SDHA: variants seen among roughly 807,000 people sequenced by gnomAD.
SDHA encodes the protein succinate dehydrogenase [ubiquinone] flavoprotein subunit, mitochondrial.
A neutral mutation model predicts 78.4 loss-of-function variants in SDHA; 48 were observed. The observed-to-expected ratio is 0.61, with a 90% CI of 0.49 to 0.78. The LOEUF (loss-of-function observed/expected upper bound fraction) is 0.78, where lower values mean the gene tolerates loss of function less well. Ranked by LOEUF, SDHA falls within the 30% of genes least tolerant of loss-of-function variation. The pLI is 0.00. For synonymous variants in SDHA, 326 were observed against 353.9 expected (o/e 0.92, Z 0.88); for missense variants, 680 against 892.7 (o/e 0.76, Z 3.04).
At chr5:242,971 C>G (rs1389569318) in intron 11 of SDHA, among the ~76,000 whole-genome samples, 3 of 152,172 alleles carry the variant, frequency 2.0e-5, no homozygotes, top group South Asian at 2.1e-4. Flanking sequence ...TTCTGCACCC[C>G]CTCCTTATTT....
chr5:254,901 A>G lies in SDHA; in HGVS notation c.1908+395A>G, dbSNP rs1315961435. On this transcript the variant is annotated intron_variant, in intron 14 of 14. Coordinates refer to ENST00000264932, the MANE Select transcript of SDHA (RefSeq NM_004168.4). ...CACGTTAAGGGAGCCCAGAAGAGAC[A>G]CCTCCCCTCTCCTCCCACGGGCTGG... Among the ~76,000 whole-genome samples the G allele has an allele frequency of 2.6e-5, 4 of 151,078 alleles. No homozygotes were observed. The East Asian group carries it at 5.9e-4, about 22-fold the overall frequency.
chr5:248,328 C>A (rs1368146897), intron 11 of SDHA, among the ~76,000 whole-genome samples: 1 of 152,178 alleles, frequency 6.6e-6, no homozygotes, highest in African/African-American at 2.4e-5. Context: ...CACAGCCACC[C>A]ACCTGAGGTC....
At chr5:262,713 G>T in the SDHA span, among the ~76,000 whole-genome samples, 1 of 152,234 alleles carries the variant, frequency 6.6e-6, no homozygotes, top group Non-Finnish European at 1.5e-5. Flanking sequence ...AAGTAAATGG[G>T]CTGCTGCTTT....
Position 251,787 on chromosome 5 carries a change from T to C in SDHA, c.1794+319T>C, listed in dbSNP as rs190685969. 86 of 1,295,302 alleles carry C rather than the reference T, an allele frequency of 6.6e-5. No individual in the cohort carries two copies. In the African/African-American group the frequency reaches 1.2e-3, roughly 18 times the overall value. 80.2% of individuals were successfully genotyped at this position (1,295,302 alleles called of 1,614,324 possible). A position where few individuals can be genotyped will look rare whatever the true frequency, so the allele number is the denominator to read the frequency against. On this transcript the variant is annotated intron_variant, in intron 13 of 14. Transcript: ENST00000264932. ...AGGAAATAAATGCCAGTTTATTAAA[T>C]AACGAGTAAGCCATCATTTCAAGCC...
downstream of SDHA, among the ~76,000 whole-genome samples, chr5:258,392 G>A (rs1160002167): frequency 2.5e-5 from 3 of 120,478 alleles, no homozygotes; most frequent in East Asian, 7.1e-4. Flanking sequence ...TCCGCCCCCT[G>A]CCAGAGCATT....
At position 234,793 on chromosome 5, in the gene SDHA, G is replaced by T. The variant is rs116362673; in HGVS notation, c.1065-351G>T. 1.2e-5 allele frequency: 4 copies of T among 347,686 alleles called. No individual in the cohort carries two copies. In the East Asian group the frequency reaches 2.7e-4, roughly 23 times the overall value. 21.5% of individuals were successfully genotyped at this position (347,686 alleles called of 1,614,324 possible). On this transcript the variant is annotated intron_variant, in intron 8 of 14. Coordinates refer to ENST00000264932, the MANE Select transcript of SDHA (RefSeq NM_004168.4). Reference sequence around the variant, plus strand: ...TCCACGGATTTTGGTATCCGTGGGGGTCCTGGACCCAACCTGCCACGGATA... The same window carrying T: ...TCCACGGATTTTGGTATCCGTGGGGTTCCTGGACCCAACCTGCCACGGATA...
At chr5:250,607 C>T (rs1470960920) in intron 11 of SDHA, 1 of 344,720 alleles carries the variant, frequency 2.9e-6, no homozygotes, top group Non-Finnish European at 5.6e-6. Context: ...TGGCTTGTGT[C>T]ACGTTCACCA....
chr5:231,272 G>T (rs1162286489), intron 7 of SDHA, among the ~76,000 whole-genome samples: 2 of 152,022 alleles, frequency 1.3e-5, no homozygotes, highest in Non-Finnish European at 2.9e-5. Context: ...GTAAAGCAGG[G>T]ATTGAGGCCG....
At chr5:263,014 A>C in the SDHA span, among the ~76,000 whole-genome samples, 3 of 151,978 alleles carry the variant, frequency 2.0e-5, no homozygotes, top group Non-Finnish European at 4.4e-5. Flanking sequence ...ATCTCGGCTC[A>C]CTGCAACCTC....
intron 10 of SDHA, among the ~76,000 whole-genome samples, chr5:238,974 A>G (rs765823562): frequency 2.2e-4 from 33 of 151,700 alleles, no homozygotes; most frequent in Non-Finnish European, 4.4e-4. Flanking sequence ...AAAAAAAAGA[A>G]AAAGTAAATT....
chr5:239,127 A>G (rs1158168407), intron 10 of SDHA, among the ~76,000 whole-genome samples: 10 of 150,688 alleles, frequency 6.6e-5, no homozygotes, highest in African/African-American at 2.5e-4. Flanking sequence ...GGTCCTGTGG[A>G]GAGGTGGTGG....
At chr5:256,214 G>A in intron 14 of SDHA, 120 bp from the exon 15 acceptor site, 1 of 795,312 alleles carries the variant, frequency 1.3e-6, no homozygotes, top group East Asian at 2.4e-5. Context: ...AAAGCACTGA[G>A]AATCTTAAAG....
Position 233,572 on chromosome 5 carries a change from G to A in SDHA, c.991G>A (p.Ala331Thr), listed in dbSNP as rs200526913. The change falls in exon 8 of 15, where the codon GCC (alanine) becomes ACC (threonine). Residue 331 changes from alanine (A) to threonine (T), a missense_variant. By Grantham distance (58) the Ala-to-Thr change is moderately conservative. Transcript: ENST00000264932. ...SQGERFMERY[A>T]PVAKDLASRD... ...AGGCGAAAGGTTTATGGAGCGATAC[G>A]CCCCTGTCGCGAAGGACCTGGCGTC... 89 of 1,614,150 alleles carry A rather than the reference G, an allele frequency of 5.5e-5. No homozygotes were observed. In the East Asian group the frequency reaches 1.7e-3, roughly 30 times the overall value.
Position 233,504 on chromosome 5 carries a change from C to A in SDHA, c.923C>A (p.Thr308Lys). ...ATATATGGTGCTGGTTGTCTCATTACGGAAGGATGTCGTGGAGAGGGAGGC... is the reference window on the plus strand; with the variant it reads ...ATATATGGTGCTGGTTGTCTCATTAAGGAAGGATGTCGTGGAGAGGGAGGC... ...TGIYGAGCLI[T>K]EGCRGEGGIL... The change falls in exon 8 of 15, where the codon ACG (threonine) becomes AAG (lysine). Residue 308 changes from threonine (T) to lysine (K), a missense_variant. Thr to Lys is a moderately conservative substitution (Grantham distance 78). Coordinates refer to ENST00000264932, the MANE Select transcript of SDHA (RefSeq NM_004168.4). 1 of 1,614,116 alleles carries A rather than the reference C, an allele frequency of 6.2e-7. No homozygotes were observed. Among genetic ancestry groups the A allele is most frequent in the Non-Finnish European group, 8.5e-7 (1 of 1,180,004 alleles).
chr5:246,622 C>T (rs1736481231), intron 11 of SDHA, among the ~76,000 whole-genome samples: 1 of 152,212 alleles, frequency 6.6e-6, no homozygotes, highest in African/African-American at 2.4e-5. Flanking sequence ...TGTTATTGTT[C>T]AAGAGCAAGA....
intron 10 of SDHA, among the ~76,000 whole-genome samples, chr5:236,994 A>G (rs1479588494): frequency 7.0e-6 from 1 of 143,124 alleles, no homozygotes; most frequent in Non-Finnish European, 1.5e-5. Context: ...CTTAGTGATC[A>G]TATAGAGGTA....
chr5:236,066 T>C (rs1735757835), intron 9 of SDHA: 1 of 335,628 alleles, frequency 3.0e-6, no homozygotes, highest in Non-Finnish European at 5.8e-6. Flanking sequence ...ACTCTGTTGC[T>C]TCGGCTGGAG....
intron 11 of SDHA, among the ~76,000 whole-genome samples, chr5:243,847 C>T (rs1208736549): frequency 6.6e-6 from 1 of 152,020 alleles, no homozygotes; most frequent in Non-Finnish European, 1.5e-5. Flanking sequence ...TTTGTTGGCA[C>T]AAGCTATGGC....
rs1297390825 is a variant in SDHA, at chr5:224,531, A to G, written c.312+10A>G. Reference sequence around the variant, plus strand: ...CACTGTTGCAGCACAGGTAAGAGAAAGGTGCCCCACTGTGCTCCCACTCCG... The same window carrying G: ...CACTGTTGCAGCACAGGTAAGAGAAGGGTGCCCCACTGTGCTCCCACTCCG... On this transcript the variant is annotated intron_variant, in intron 3 of 14. Transcript: ENST00000264932. The G allele has an allele frequency of 6.2e-7, 1 of 1,611,594 alleles. No homozygotes were observed. The highest frequency in any genetic ancestry group is 8.5e-7 in the Non-Finnish European group (1 of 1,179,548).
Sources: allele counts gnomAD v4.1 joint callset (sites outside exome capture counted in the v4.1 genomes callset), GRCh38; gene constraint gnomAD v4.1.1; transcripts MANE v1.5; gene names NCBI Gene and HGNC (gene_info 2026-07-23, HGNC 2026-07-21).